The following WWOX variants were observed in gnomAD, a reference collection of about 807,000 sequenced individuals.
WWOX encodes WW domain-containing oxidoreductase.
Under a neutral mutation model 46.2 loss-of-function variants are expected in WWOX, and 69 were observed. The observed-to-expected ratio is 1.49, with a 90% CI of 1.23 to 1.82. The LOEUF (loss-of-function observed/expected upper bound fraction) is 1.82, where lower values mean the gene tolerates loss of function less well. Ranked by LOEUF, WWOX falls within the 40% of genes most tolerant of loss-of-function variation. WWOX has a pLI of 0.00. For synonymous variants in WWOX, 359 were observed against 202.6 expected, an observed-to-expected ratio of 1.77 and a Z score of -6.56; for missense variants, 919 against 542.6, an observed-to-expected ratio of 1.69 and a Z score of -6.89.
intron 8 of WWOX, among the ~76,000 whole-genome samples, chr16:78,666,523 C>A (rs575506482): frequency 9.2e-5 from 14 of 152,272 alleles, no homozygotes; most frequent in South Asian, 2.1e-4. Context: ...CCTAGGTCAG[C>A]AAATTTTATT....
chr16:79,166,840 A>C (rs1321328350), intron 8 of WWOX, among the ~76,000 whole-genome samples: 1 of 152,116 alleles, frequency 6.6e-6, no homozygotes, highest in Non-Finnish European at 1.5e-5. Context: ...CAAATAAACT[A>C]TTTTTCCATG....
At chr16:78,750,817 C>G (rs558692505) in intron 8 of WWOX, among the ~76,000 whole-genome samples, 7 of 152,134 alleles carry the variant, frequency 4.6e-5, no homozygotes, top group Admixed American at 2.6e-4. Flanking sequence ...CTGCAAAGAA[C>G]ATGATTTTCT....
chr16:78,454,961 T>C (rs1244129568), intron 8 of WWOX, among the ~76,000 whole-genome samples: 1 of 152,228 alleles, frequency 6.6e-6, no homozygotes, highest in Non-Finnish European at 1.5e-5. Flanking sequence ...CTGATAAATG[T>C]TCATTGAGTG....
chr16:78,787,812 C>A (rs1054939106), intron 8 of WWOX, among the ~76,000 whole-genome samples: 1 of 152,192 alleles, frequency 6.6e-6, no homozygotes, highest in Non-Finnish European at 1.5e-5. Flanking sequence ...AATTTCTCCA[C>A]ATCCTTGCCA....
chr16:78,397,403 C>G (rs1048157259), intron 6 of WWOX, among the ~76,000 whole-genome samples: 6 of 152,170 alleles, frequency 3.9e-5, no homozygotes, highest in Non-Finnish European at 8.8e-5. Flanking sequence ...TAAAAAATGG[C>G]AGAAGAATGG....
At chr16:78,864,805 C>T (rs1448690980) in intron 8 of WWOX, among the ~76,000 whole-genome samples, 4 of 133,804 alleles carry the variant, frequency 3.0e-5, no homozygotes, top group African/African-American at 1.2e-4. Flanking sequence ...CTCTATTGCC[C>T]AGGCTGGAGT....
intron 8 of WWOX, among the ~76,000 whole-genome samples, chr16:78,774,979 G>A (rs1055672221): frequency 6.6e-6 from 1 of 152,144 alleles, no homozygotes; most frequent in East Asian, 1.9e-4. Flanking sequence ...CTCGAAGAGG[G>A]GCTGCAGGTA....
At chr16:78,777,884 A>C (rs993267610) in intron 8 of WWOX, among the ~76,000 whole-genome samples, 11 of 151,970 alleles carry the variant, frequency 7.2e-5, no homozygotes, top group African/African-American at 2.7e-4. Flanking sequence ...GTCTGTACAA[A>C]AAATATAAAA....
intron 8 of WWOX, among the ~76,000 whole-genome samples, chr16:78,442,578 G>A (rs1316267999): frequency 6.6e-6 from 1 of 152,014 alleles, no homozygotes; most frequent in South Asian, 2.1e-4. Context: ...CTTATTTTAC[G>A]ATAAATTGAT....
At chr16:78,362,326 AG>A in intron 5 of WWOX, among the ~76,000 whole-genome samples, 1 of 152,300 alleles carries the variant, frequency 6.6e-6, no homozygotes, top group Non-Finnish European at 1.5e-5. Flanking sequence ...AGAAAAAAAC[AG>A]GACAGGCATT....
intron 5 of WWOX, among the ~76,000 whole-genome samples, chr16:78,336,505 C>CAAAAA (rs386385163): frequency 7.3e-4 from 54 of 74,170 alleles, no homozygotes; most frequent in African/African-American, 1.3e-3. Context: ...GACTATGTCT[C>CAAAAA]AAAAAAAAAA....
chr16:78,577,360 C>T (rs888347019), intron 8 of WWOX, among the ~76,000 whole-genome samples: 1 of 152,170 alleles, frequency 6.6e-6, no homozygotes, highest in Non-Finnish European at 1.5e-5. Flanking sequence ...TTCTTCAGAA[C>T]AGAGCTTTTA....
intron 5 of WWOX, among the ~76,000 whole-genome samples, chr16:78,257,972 A>T (rs938944042): frequency 6.6e-6 from 1 of 152,158 alleles, no homozygotes; most frequent in South Asian, 2.1e-4. Context: ...AATCTCACAA[A>T]CTTTGTTTCC....
At chr16:78,926,191 T>C (rs972750582) in intron 8 of WWOX, among the ~76,000 whole-genome samples, 6 of 152,014 alleles carry the variant, frequency 3.9e-5, no homozygotes, top group Non-Finnish European at 5.9e-5. Context: ...CTGGGTAACA[T>C]GGCAAAACCT....
At chr16:78,441,458 A>G (rs909650210) in intron 8 of WWOX, among the ~76,000 whole-genome samples, 2 of 152,196 alleles carry the variant, frequency 1.3e-5, no homozygotes, top group Non-Finnish European at 2.9e-5. Context: ...AGATAAGGCA[A>G]GGAGACCTGC....
chr16:79,002,468 C>T (rs2047112990), intron 8 of WWOX, among the ~76,000 whole-genome samples: 1 of 152,076 alleles, frequency 6.6e-6, no homozygotes, highest in Non-Finnish European at 1.5e-5. Flanking sequence ...GGTGATCCAC[C>T]TGCCTTGGCC....
At chr16:78,954,069 C>G (rs371770814) in intron 8 of WWOX, among the ~76,000 whole-genome samples, 7 of 152,344 alleles carry the variant, frequency 4.6e-5, no homozygotes, top group African/African-American at 1.4e-4. Context: ...AGGACCATAT[C>G]TTATTCAGTT....
At chr16:78,995,055 C>G (rs572549349) in intron 8 of WWOX, among the ~76,000 whole-genome samples, 1 of 150,802 alleles carries the variant, frequency 6.6e-6, no homozygotes, top group African/African-American at 2.4e-5. Context: ...TCCCAGTCCC[C>G]CTGGTAAAAA....
intron 8 of WWOX, among the ~76,000 whole-genome samples, chr16:78,494,983 T>G (rs1010760044): frequency 6.6e-6 from 1 of 152,196 alleles, no homozygotes; most frequent in South Asian, 2.1e-4. Context: ...AGGTTTCTTA[T>G]GCTGTGGCGA....
Sources: allele counts gnomAD v4.1 joint callset (sites outside exome capture counted in the v4.1 genomes callset), GRCh38; gene constraint gnomAD v4.1.1; transcripts MANE v1.5; gene names NCBI Gene and HGNC (gene_info 2026-07-23, HGNC 2026-07-21).